Variants in GPSM2 observed in about 807,000 individuals in gnomAD.
The protein encoded by GPSM2 is G protein signaling modulator 2, also known as G protein-signaling modulator 2.
GPSM2 carries 58 observed loss-of-function variants against 78.4 expected under a neutral mutation model. The ratio of observed to expected loss-of-function variants is 0.74; its 90% confidence interval spans 0.60 to 0.92. The LOEUF (loss-of-function observed/expected upper bound fraction) is 0.92, where lower values mean the gene tolerates loss of function less well. Ranked by LOEUF, GPSM2 falls within the 40% of genes least tolerant of loss-of-function variation. The probability of loss-of-function intolerance (pLI) is 0.00; values close to 1 mark genes in which losing one functional copy is unlikely to be tolerated. For synonymous variants in GPSM2, 224 were observed against 280.2 expected (o/e 0.80, Z 2.00); for missense variants, 700 against 815.5 (o/e 0.86, Z 1.73).
chr1:108,884,309 C>T lies in GPSM2; in HGVS notation c.-248-966C>T, dbSNP rs1217041635. 2.0e-5 allele frequency among the ~76,000 whole-genome samples: 3 copies of T among 151,936 alleles called. 1 individual carries two copies. ...TTTTTTGTTTCATTTTGTTTTGGGGCAGGGTCTTGCTCTGTCAACCAGGCT... is the reference window on the plus strand; with the variant it reads ...TTTTTTGTTTCATTTTGTTTTGGGGTAGGGTCTTGCTCTGTCAACCAGGCT... On this transcript the variant is annotated intron_variant, in intron 1 of 14. Coordinates refer to ENST00000264126, the MANE Select transcript of GPSM2 (RefSeq NM_013296.5).
chr1:108,887,846 A>T (rs1011210944), intron 2 of GPSM2, among the ~76,000 whole-genome samples: 1 of 152,190 alleles, frequency 6.6e-6, no homozygotes, highest in African/African-American at 2.4e-5. Context: ...ATAGGTGGGT[A>T]CTTTGTAAAC....
At chr1:108,917,611 C>CACATATATATAT (rs1312607573) in intron 11 of GPSM2, among the ~76,000 whole-genome samples, 17 of 22,674 alleles carry the variant, frequency 7.5e-4, no homozygotes, top group Admixed American at 1.3e-3. Flanking sequence ...CACACACACA[C>CACATATATATAT]ATATATATAT....
chr1:108,927,519 T>A (rs1651196483), intron 14 of GPSM2, among the ~76,000 whole-genome samples: 2 of 152,160 alleles, frequency 1.3e-5, no homozygotes, highest in Non-Finnish European at 2.9e-5. Context: ...GCAACAGGGG[T>A]GCCAAGACCA....
intron 10 of GPSM2, among the ~76,000 whole-genome samples, chr1:108,913,364 CTGT>C (rs759198579): frequency 1.8e-4 from 27 of 152,192 alleles, no homozygotes; most frequent in Admixed American, 3.3e-4. Flanking sequence ...ACTCTACAGT[CTGT>C]TATTTTTGAG....
Position 108,934,475 on chromosome 1 carries a change from A to T in GPSM2, c.*4535A>T, listed in dbSNP as rs1652546257. The T allele has an allele frequency of 3.5e-6, 2 of 566,682 alleles. No individual in the cohort carries two copies. The highest frequency in any genetic ancestry group is 4.8e-4 in the Middle Eastern group (1 of 2,088). 35.1% of individuals were successfully genotyped at this position (566,682 alleles called of 1,614,324 possible). On this transcript the variant is annotated 3_prime_UTR_variant, in exon 15 of 15. Coordinates refer to ENST00000264126, the MANE Select transcript of GPSM2 (RefSeq NM_013296.5). ...TAAATATCAAAGAGAAGATGAAATG[A>T]AAAGCTTTTACATATATAACGTGTT...
At chr1:108,910,669 C>G (rs1649661902) in intron 10 of GPSM2, among the ~76,000 whole-genome samples, 1 of 152,124 alleles carries the variant, frequency 6.6e-6, no homozygotes, top group East Asian at 1.9e-4. Context: ...TCGAGACCAG[C>G]CTGACCAACG....
At position 108,877,039 on chromosome 1, in the gene GPSM2, G is replaced by C. The variant is rs1219037859; in HGVS notation, c.-438G>C. The C allele has an allele frequency of 6.6e-6, 1 of 152,336 alleles. No individual in the cohort carries two copies. Among genetic ancestry groups the C allele is most frequent in the East Asian group, 1.9e-4 (1 of 5,206 alleles). The allele number at this position is 152,336 out of a possible 1,614,324, so 9.4% of individuals were successfully genotyped here. On this transcript the variant is annotated 5_prime_UTR_variant, in exon 1 of 15. Coordinates refer to ENST00000264126, the MANE Select transcript of GPSM2 (RefSeq NM_013296.5). ...AGCGGCGGGACCCCTAGGTGGCGGA[G>C]GGACGCTCCGGGAAAGCGAGGGGCG... is the stretch of plus-strand genomic sequence containing the variant.
Position 108,896,954 on chromosome 1 carries a change from T to C in GPSM2, c.147T>C (p.Ala49=). The change falls in exon 3 of 15, where the codon GCT becomes GCC. Residue 49 remains alanine, a synonymous_variant. Coordinates refer to ENST00000264126, the MANE Select transcript of GPSM2 (RefSeq NM_013296.5). ...DCRAGVSFFE[A]AVQVGTEDLK... ...GCGCTGGCGTGTCATTCTTTGAAGCTGCAGTTCAAGTTGGAACTGAAGACC... is the reference window on the plus strand; with the variant it reads ...GCGCTGGCGTGTCATTCTTTGAAGCCGCAGTTCAAGTTGGAACTGAAGACC... 1 of 1,614,158 alleles carries C rather than the reference T, an allele frequency of 6.2e-7. No individual in the cohort carries two copies. The highest frequency in any genetic ancestry group is 8.5e-7 in the Non-Finnish European group (1 of 1,179,960).
chr1:108,931,366 C>G lies in GPSM2; in HGVS notation c.*1426C>G. The G allele has an allele frequency of 1.3e-6, 2 of 1,550,972 alleles. No homozygotes were observed. Among genetic ancestry groups the G allele is most frequent in the Non-Finnish European group, 1.7e-6 (2 of 1,147,010 alleles). On this transcript the variant is annotated 3_prime_UTR_variant, in exon 15 of 15. Transcript: ENST00000264126. Reference sequence around the variant, plus strand: ...TAACAAAGTAACTAACTAACTGTAGCAAAAGACAAGTATGGGACAGACTGG... The same window carrying G: ...TAACAAAGTAACTAACTAACTGTAGGAAAAGACAAGTATGGGACAGACTGG...
intron 10 of GPSM2, among the ~76,000 whole-genome samples, chr1:108,905,442 A>G (rs115883314): frequency 0.026 from 3,981 of 152,282 alleles, 174 homozygotes; most frequent in African/African-American, 0.091. Context: ...TTTACCAAAT[A>G]TATCATTCAG....
At chr1:108,910,650 GTCAGGA>G (rs1235889635) in intron 10 of GPSM2, among the ~76,000 whole-genome samples, 2 of 152,014 alleles carry the variant, frequency 1.3e-5, no homozygotes, top group African/African-American at 4.8e-5. Flanking sequence ...GGATCATGAG[GTCAGGA>G]GTTCGAGACC....
intron 14 of GPSM2, among the ~76,000 whole-genome samples, chr1:108,927,920 G>A (rs1244085179): frequency 6.6e-6 from 1 of 152,120 alleles, no homozygotes. Context: ...CCATGATCAC[G>A]TCACTGTGCT....
In GPSM2 at chr1:108,930,628, C is replaced by A. The variant is rs1230515348; in HGVS notation, c.*688C>A. 1.3e-5 allele frequency: 2 copies of A among 152,468 alleles called. No homozygotes were observed. The highest frequency in any genetic ancestry group is 2.4e-5 in the African/African-American group (1 of 41,376). 9.4% of individuals were successfully genotyped at this position (152,468 alleles called of 1,614,324 possible). A position where few individuals can be genotyped will look rare whatever the true frequency, so the allele number is the denominator to read the frequency against. On this transcript the variant is annotated 3_prime_UTR_variant, in exon 15 of 15. Coordinates refer to ENST00000264126, the MANE Select transcript of GPSM2 (RefSeq NM_013296.5). ...CAGCAGCCAGGCGCAGTGGCTCACACCTGTAATCCCAGCACTTTGGGAGGC... is the reference window on the plus strand; with the variant it reads ...CAGCAGCCAGGCGCAGTGGCTCACAACTGTAATCCCAGCACTTTGGGAGGC...
chr1:108,887,337 G>A (rs1001227893), intron 2 of GPSM2, among the ~76,000 whole-genome samples: 1 of 152,150 alleles, frequency 6.6e-6, no homozygotes, highest in African/African-American at 2.4e-5. Context: ...ACAGGCAGGT[G>A]GGGGAGGTAG....
intron 10 of GPSM2, among the ~76,000 whole-genome samples, chr1:108,911,397 G>C (rs1649731744): frequency 6.6e-6 from 1 of 151,960 alleles, no homozygotes; most frequent in African/African-American, 2.4e-5. Context: ...GGGTGGTGCA[G>C]GGCCCTGTAA....
At chr1:108,908,234 G>A (rs1248858165) in intron 10 of GPSM2, among the ~76,000 whole-genome samples, 2 of 152,028 alleles carry the variant, frequency 1.3e-5, no homozygotes, top group African/African-American at 2.4e-5. Context: ...AGCCAGGCGT[G>A]GTGGCAGGCG....
chr1:108,895,105 T>C (rs1648254589), intron 2 of GPSM2, among the ~76,000 whole-genome samples: 1 of 152,196 alleles, frequency 6.6e-6, no homozygotes, highest in Non-Finnish European at 1.5e-5. Context: ...CCCTAACTTG[T>C]ACTTTAGAAT....
intron 10 of GPSM2, among the ~76,000 whole-genome samples, chr1:108,907,664 G>C (rs1649348898): frequency 6.6e-6 from 1 of 152,164 alleles, no homozygotes; most frequent in Admixed American, 6.5e-5. Flanking sequence ...CATTTATTGA[G>C]TGCTTATGAT....
At chr1:108,896,155 C>T (rs187622185) in intron 2 of GPSM2, among the ~76,000 whole-genome samples, 251 of 152,288 alleles carry the variant, frequency 1.6e-3, no homozygotes, top group African/African-American at 5.5e-3. Flanking sequence ...GATATGTTTA[C>T]AGTGACTTAA....
Sources: gnomAD v4.1 joint callset for allele counts (sites outside exome capture counted in the v4.1 genomes callset) on GRCh38, gnomAD v4.1.1 for gene constraint, MANE v1.5 for transcripts, NCBI Gene and HGNC (gene_info 2026-07-23, HGNC 2026-07-21) for gene names.